The following EFNB3 variants were observed in gnomAD, a reference collection of about 807,000 sequenced individuals.
The protein encoded by EFNB3 is ephrin-B3.
In EFNB3, 14 loss-of-function variants were observed where a neutral mutation model predicts 29.8. That is an observed-to-expected ratio of 0.47 (90% CI 0.31 to 0.73). The LOEUF is 0.73. EFNB3 is among the 30% of genes least tolerant of loss of function. The pLI, the probability that EFNB3 is intolerant of heterozygous loss-of-function variation, is 0.05. For synonymous variants in EFNB3, 216 were observed against 191.6 expected (o/e 1.13, Z -1.05); for missense variants, 408 against 458.0 (o/e 0.89, Z 1.00).
rs370079619 is a variant in EFNB3 at position 7,705,712 on chromosome 17, G to T, written c.114G>T (p.Ala38=). ...LSLEPVYWNS[A]NKRFQAEGGY... ...TGGAGCCTGTCTACTGGAACTCGGC[G>T]AATAAGAGGTGAGTGGCCTGCGGCT... Residue 38 remains alanine, a synonymous_variant, in exon 1 of 5, where the codon GCG becomes GCT. Coordinates refer to ENST00000226091, the MANE Select transcript of EFNB3 (RefSeq NM_001406.4). The surrounding 1 kb of genome is among the most constrained non-coding windows in gnomAD (Gnocchi z 5.4). The T allele has an allele frequency of 3.8e-6, 6 of 1,563,120 alleles. No individual in the cohort carries two copies. The Admixed American group carries it at 9.4e-5, about 25-fold the overall frequency.
Position 7,709,668 on chromosome 17 carries a change from G to A in EFNB3, c.*92G>A, listed in dbSNP as rs549481492. The A allele has an allele frequency of 2.9e-5, 41 of 1,404,510 alleles. No individual in the cohort carries two copies. Among genetic ancestry groups the A allele is most frequent in the South Asian group, 2.9e-4 (24 of 83,214 alleles). The allele number at this position is 1,404,510 out of a possible 1,614,324, so 87.0% of individuals were successfully genotyped here. On this transcript the variant is annotated 3_prime_UTR_variant, in exon 5 of 5. Coordinates refer to ENST00000226091, the MANE Select transcript of EFNB3 (RefSeq NM_001406.4). This position sits in a 1 kb window ranked among gnomAD's most constrained non-coding sequence, Gnocchi z 4.5. ...GTTTGAGGGACACCTCTAACATCTC[G>A]GCCCCCTGTGCCCCCCCAGCCCCTT...
Position 7,709,754 on chromosome 17 carries a change from C to T in EFNB3, c.*178C>T, listed in dbSNP as rs1597427841. On this transcript the variant is annotated 3_prime_UTR_variant, in exon 5 of 5. Coordinates refer to ENST00000226091, the MANE Select transcript of EFNB3 (RefSeq NM_001406.4). The surrounding 1 kb of genome is among the most constrained non-coding windows in gnomAD (Gnocchi z 4.5). ...AGGATTCCTTAGGATTCCCACTGCC[C>T]CACTTCCTGCCCTCCCGTTTGGCCA... 1.9e-5 allele frequency: 13 copies of T among 699,114 alleles called. No individual in the cohort carries two copies. In the East Asian group the frequency reaches 3.6e-4, roughly 19 times the overall value. 43.3% of individuals were successfully genotyped at this position (699,114 alleles called of 1,614,324 possible).
At position 7,709,262 on chromosome 17, in the gene EFNB3, C is replaced by T; in HGVS notation, c.709C>T (p.Leu237=). ...AVAGAAGGLA[L]LLLGVAGAGG... ...GGCTGGGGCAGCAGGGGGGCTGGCGCTGCTCTTGCTGGGCGTGGCAGGGGC... is the reference window on the plus strand; with the variant it reads ...GGCTGGGGCAGCAGGGGGGCTGGCGTTGCTCTTGCTGGGCGTGGCAGGGGC... The change falls in exon 5 of 5, where the codon CTG becomes TTG. Residue 237 remains leucine (L), a synonymous_variant. Coordinates refer to ENST00000226091, the MANE Select transcript of EFNB3 (RefSeq NM_001406.4). This position sits in a 1 kb window ranked among gnomAD's most constrained non-coding sequence, Gnocchi z 4.5. 2 of 1,586,260 alleles carry T rather than the reference C, an allele frequency of 1.3e-6. No homozygotes were observed. The highest frequency in any genetic ancestry group is 8.5e-7 in the Non-Finnish European group (1 of 1,171,140).
Position 7,707,944 on chromosome 17 carries a change from C to T in EFNB3, c.123-14C>T, listed in dbSNP as rs1383881342. 12 of 1,595,536 alleles carry T rather than the reference C, an allele frequency of 7.5e-6. No homozygotes were observed. Among genetic ancestry groups the T allele is most frequent in the African/African-American group, 1.3e-5 (1 of 74,518 alleles). On this transcript the variant is annotated splice_polypyrimidine_tract_variant and intron_variant, in intron 1 of 4. Coordinates refer to ENST00000226091, the MANE Select transcript of EFNB3 (RefSeq NM_001406.4). ...GACATCTCTTCCTTGTCCACCTTACCCTCCTCCCCATAGGTTCCAGGCAGA... is the reference window on the plus strand; with the variant it reads ...GACATCTCTTCCTTGTCCACCTTACTCTCCTCCCCATAGGTTCCAGGCAGA...
Position 7,707,945 on chromosome 17 carries a change from C to T in EFNB3, c.123-13C>T, listed in dbSNP as rs2074332944. 1 of 1,596,826 alleles carries T rather than the reference C, an allele frequency of 6.3e-7. No individual in the cohort carries two copies. The highest frequency in any genetic ancestry group is 8.5e-7 in the Non-Finnish European group (1 of 1,170,502). On this transcript the variant is annotated splice_polypyrimidine_tract_variant and intron_variant, in intron 1 of 4. Coordinates refer to ENST00000226091, the MANE Select transcript of EFNB3 (RefSeq NM_001406.4). Reference sequence around the variant, plus strand: ...ACATCTCTTCCTTGTCCACCTTACCCTCCTCCCCATAGGTTCCAGGCAGAG... The same window carrying T: ...ACATCTCTTCCTTGTCCACCTTACCTTCCTCCCCATAGGTTCCAGGCAGAG...
chr17:7,709,654 A>G lies in EFNB3; in HGVS notation c.*78A>G. 6.5e-7 allele frequency: 1 copy of G among 1,536,748 alleles called. No homozygotes were observed. Among genetic ancestry groups the G allele is most frequent in the South Asian group, 1.1e-5 (1 of 87,764 alleles). ...CAGTTTAATTCCTGGTTTGAGGGACACCTCTAACATCTCGGCCCCCTGTGC... is the reference window on the plus strand; with the variant it reads ...CAGTTTAATTCCTGGTTTGAGGGACGCCTCTAACATCTCGGCCCCCTGTGC... On this transcript the variant is annotated 3_prime_UTR_variant, in exon 5 of 5. Transcript: ENST00000226091. This position sits in a 1 kb window ranked among gnomAD's most constrained non-coding sequence, Gnocchi z 4.5.
rs191738826 is a variant in EFNB3, at chr17:7,707,854, G to A, written c.123-104G>A. Reference sequence around the variant, plus strand: ...CTCAGACAAAGGCGGGCAAGCGTGAGCTGAGAATTGCTGTCCTGGAAGGTT... The same window carrying A: ...CTCAGACAAAGGCGGGCAAGCGTGAACTGAGAATTGCTGTCCTGGAAGGTT... On this transcript the variant is annotated intron_variant, in intron 1 of 4. Coordinates refer to ENST00000226091, the MANE Select transcript of EFNB3 (RefSeq NM_001406.4). 5 of 1,337,614 alleles carry A rather than the reference G, an allele frequency of 3.7e-6. 1 individual carries two copies. The Admixed American group carries it at 1.2e-4, about 31-fold the overall frequency. The allele number at this position is 1,337,614 out of a possible 1,614,324, so 82.9% of individuals were successfully genotyped here. A position where few individuals can be genotyped will look rare whatever the true frequency, so the allele number is the denominator to read the frequency against.
rs1317045476 is a variant in EFNB3 at position 7,708,135 on chromosome 17, C to T, written c.300C>T (p.Leu100=). The change falls in exon 2 of 5, where the codon CTC becomes CTT. Residue 100 remains leucine (L), a synonymous_variant. Coordinates refer to ENST00000226091, the MANE Select transcript of EFNB3 (RefSeq NM_001406.4). This position sits in a 1 kb window ranked among gnomAD's most constrained non-coding sequence, Gnocchi z 6.8. ...GTGAGGCACCCCCTGCCCCAAACCT[C>T]CTTCTCACTTGTGATCGCCCAGACC... ...RRCEAPPAPN[L]LLTCDRPDLD... is the part of the protein sequence containing the mutation. 2 of 1,614,024 alleles carry T rather than the reference C, an allele frequency of 1.2e-6. No homozygotes were observed. Among genetic ancestry groups the T allele is most frequent in the Admixed American group, 1.7e-5 (1 of 60,012 alleles).
Position 7,709,575 on chromosome 17 carries a change from G to A in EFNB3, c.1022G>A (p.Ter341=), listed in dbSNP as rs541725555. ...CCTCCAAACATCTACTACAAGGTAT[G>A]AGGGCTCCTCTCACGTGGCTATCCT... ...QSPPNIYYKV[*] Residue 341 remains the stop codon, a stop_retained_variant, in exon 5 of 5, where the codon TGA becomes TAA. Coordinates refer to ENST00000226091, the MANE Select transcript of EFNB3 (RefSeq NM_001406.4). The surrounding 1 kb of genome is among the most constrained non-coding windows in gnomAD (Gnocchi z 4.5). 344 of 1,613,886 alleles carry A rather than the reference G, an allele frequency of 2.1e-4. 1 individual carries two copies. In the South Asian group the frequency reaches 2.9e-3, roughly 14 times the overall value.
In EFNB3 at chr17:7,709,276, C is replaced by A; in HGVS notation, c.723C>A (p.Gly241=). Residue 241 remains glycine, a synonymous_variant, in exon 5 of 5, where the codon GGC becomes GGA. Coordinates refer to ENST00000226091, the MANE Select transcript of EFNB3 (RefSeq NM_001406.4). This position sits in a 1 kb window ranked among gnomAD's most constrained non-coding sequence, Gnocchi z 4.5. The part of the protein sequence containing the change: ...AAGGLALLLL[G]VAGAGGAMCW... Reference sequence around the variant, plus strand: ...GGGGGCTGGCGCTGCTCTTGCTGGGCGTGGCAGGGGCTGGGGGTGCCATGT... The same window carrying A: ...GGGGGCTGGCGCTGCTCTTGCTGGGAGTGGCAGGGGCTGGGGGTGCCATGT... 1 of 1,582,072 alleles carries A rather than the reference C, an allele frequency of 6.3e-7. No homozygotes were observed. The highest frequency in any genetic ancestry group is 8.6e-7 in the Non-Finnish European group (1 of 1,168,534).
At position 7,705,689 on chromosome 17, in the gene EFNB3, G is replaced by C; in HGVS notation, c.91G>C (p.Glu31Gln). The C allele has an allele frequency of 1.3e-6, 2 of 1,554,132 alleles. No individual in the cohort carries two copies. Among genetic ancestry groups the C allele is most frequent in the South Asian group, 2.4e-5 (2 of 83,470 alleles). Residue 31 changes from glutamate to glutamine, a missense_variant, in exon 1 of 5, where the codon GAG becomes CAG. Glu to Gln is a conservative substitution (Grantham distance 29). Coordinates refer to ENST00000226091, the MANE Select transcript of EFNB3 (RefSeq NM_001406.4). This position sits in a 1 kb window ranked among gnomAD's most constrained non-coding sequence, Gnocchi z 5.4. ...VLGLVSGLSL[E>Q]PVYWNSANKR... ...GGGGCTGGTGTCTGGGCTCAGCCTG[G>C]AGCCTGTCTACTGGAACTCGGCGAA...
At chr17:7,706,564 A>G (rs1261802744) in intron 1 of EFNB3, among the ~76,000 whole-genome samples, 2 of 152,164 alleles carry the variant, frequency 1.3e-5, no homozygotes, top group African/African-American at 4.8e-5. Context: ...TGCGGATCCC[A>G]CTTCCCGCTC....
In EFNB3 at chr17:7,709,308, G is replaced by A. The variant is rs375397163; in HGVS notation, c.755G>A (p.Arg252Gln). Residue 252 changes from arginine to glutamine, a missense_variant, in exon 5 of 5, where the codon CGG (arginine) becomes CAG (glutamine). Arg to Gln is a conservative substitution (Grantham distance 43). This residue lies in a region of EFNB3 where 233 missense variants were observed against 230.7 expected (regional missense o/e 1.01). Coordinates refer to ENST00000226091, the MANE Select transcript of EFNB3 (RefSeq NM_001406.4). The surrounding 1 kb of genome is among the most constrained non-coding windows in gnomAD (Gnocchi z 4.5). ...GGGGCTGGGGGTGCCATGTGTTGGC[G>A]GAGACGGCGGGCCAAGCCTTCGGAG... ...VAGAGGAMCW[R>Q]RRRAKPSESR... is the part of the protein sequence containing the mutation. 27 of 1,572,564 alleles carry A rather than the reference G, an allele frequency of 1.7e-5. No homozygotes were observed. The highest frequency in any genetic ancestry group is 3.5e-4 in the Middle Eastern group (2 of 5,658).
chr17:7,709,180 C>G lies in EFNB3; in HGVS notation c.627C>G (p.Ser209Arg). ...GKENLPGDPT[S>R]NATSRGAEGP... The stretch of plus-strand genomic sequence containing the variant: ...CTTCCCTGCCAGGTGACCCCACCAG[C>G]AATGCAACCTCCCGGGGTGCTGAAG... Residue 209 changes from serine to arginine, a missense_variant, in exon 5 of 5, where the codon AGC becomes AGG. Around this residue, in one of 3 missense-constraint regions of EFNB3, gnomAD observed 233 missense variants for 230.7 expected, o/e 1.01. Coordinates refer to ENST00000226091, the MANE Select transcript of EFNB3 (RefSeq NM_001406.4). This position sits in a 1 kb window ranked among gnomAD's most constrained non-coding sequence, Gnocchi z 4.5. 6.2e-7 allele frequency: 1 copy of G among 1,602,390 alleles called. No homozygotes were observed. The highest frequency in any genetic ancestry group is 8.5e-7 in the Non-Finnish European group (1 of 1,178,204).
chr17:7,709,414 G>T lies in EFNB3; in HGVS notation c.861G>T (p.Glu287Asp). 1 of 1,609,400 alleles carries T rather than the reference G, an allele frequency of 6.2e-7. No individual in the cohort carries two copies. The highest frequency in any genetic ancestry group is 8.5e-7 in the Non-Finnish European group (1 of 1,177,124). The change falls in exon 5 of 5, where the codon GAG (glutamate) becomes GAT (aspartate). Residue 287 changes from glutamate to aspartate, a missense_variant. This residue lies in a region of EFNB3 where 233 missense variants were observed against 230.7 expected (regional missense o/e 1.01). Coordinates refer to ENST00000226091, the MANE Select transcript of EFNB3 (RefSeq NM_001406.4). This position sits in a 1 kb window ranked among gnomAD's most constrained non-coding sequence, Gnocchi z 4.5. ...GTGGAGGTGGGATGGGACCTCGGGA[G>T]GCTGAGCCTGGGGAGCTAGGGATAG... Reference protein sequence around the residue: ...LGGGGGMGPREAEPGELGIAL... With the variant: ...LGGGGGMGPRDAEPGELGIAL...
rs567257903 is a variant in EFNB3 at position 7,709,631 on chromosome 17, G to A, written c.*55G>A. 9 of 1,608,764 alleles carry A rather than the reference G, an allele frequency of 5.6e-6. No individual in the cohort carries two copies. In the South Asian group the frequency reaches 8.8e-5, roughly 16 times the overall value. The stretch of plus-strand genomic sequence containing the variant: ...CAGCCCTTCTTGGGGTGCTCCTCCA[G>A]TTTAATTCCTGGTTTGAGGGACACC... On this transcript the variant is annotated 3_prime_UTR_variant, in exon 5 of 5. Coordinates refer to ENST00000226091, the MANE Select transcript of EFNB3 (RefSeq NM_001406.4). The surrounding 1 kb of genome is among the most constrained non-coding windows in gnomAD (Gnocchi z 4.5).
At position 7,709,330 on chromosome 17, in the gene EFNB3, G is replaced by T; in HGVS notation, c.777G>T (p.Ser259=). ...GGCGGAGACGGCGGGCCAAGCCTTCGGAGAGTCGCCACCCTGGTCCTGGCT... is the reference window on the plus strand; with the variant it reads ...GGCGGAGACGGCGGGCCAAGCCTTCTGAGAGTCGCCACCCTGGTCCTGGCT... ...MCWRRRRAKP[S]ESRHPGPGSF... The change falls in exon 5 of 5, where the codon TCG becomes TCT. Residue 259 remains serine (S), a synonymous_variant. Transcript: ENST00000226091. This position sits in a 1 kb window ranked among gnomAD's most constrained non-coding sequence, Gnocchi z 4.5. 6.4e-7 allele frequency: 1 copy of T among 1,569,478 alleles called. No individual in the cohort carries two copies.
In EFNB3 at chr17:7,708,235, G is replaced by A. The variant is rs1362179947; in HGVS notation, c.400G>A (p.Asp134Asn). Reference protein sequence around the residue: ...LWGHEFRSHHDYYIIATSDGT... With the variant: ...LWGHEFRSHHNYYIIATSDGT... ...GGGCCACGAGTTCCGCTCGCACCAC[G>A]ATTACTACATCATTGGTACTGCTGG... The change falls in exon 2 of 5, where the codon GAT (aspartate) becomes AAT (asparagine). Residue 134 changes from aspartate (D) to asparagine (N), a missense_variant. Physicochemically the swap from Asp to Asn is conservative, Grantham distance 23. Transcript: ENST00000226091. This position sits in a 1 kb window ranked among gnomAD's most constrained non-coding sequence, Gnocchi z 6.8. The A allele has an allele frequency of 2.5e-6, 4 of 1,609,530 alleles. No individual in the cohort carries two copies. Among genetic ancestry groups the A allele is most frequent in the African/African-American group, 1.3e-5 (1 of 74,908 alleles).
chr17:7,706,219 T>C (rs1361344853), intron 1 of EFNB3, among the ~76,000 whole-genome samples: 4 of 150,804 alleles, frequency 2.7e-5, no homozygotes, highest in African/African-American at 9.8e-5. Flanking sequence ...TCCTTGACTC[T>C]CTTCACAGTC....
Sources: allele counts gnomAD v4.1 joint callset (sites outside exome capture counted in the v4.1 genomes callset), GRCh38; gene constraint gnomAD v4.1.1; regional missense constraint gnomAD v4.1.1; non-coding constraint Gnocchi (gnomAD v3.1); transcripts MANE v1.5; gene names NCBI Gene and HGNC (gene_info 2026-07-23, HGNC 2026-07-21).